Variants in LRRK1 observed in about 807,000 individuals in gnomAD.
LRRK1 encodes the protein leucine rich repeat kinase 1, also known as leucine-rich repeat serine/threonine-protein kinase 1.
LRRK1 carries 113 observed loss-of-function variants against 209.1 expected under a neutral mutation model. The ratio of observed to expected loss-of-function variants is 0.54; its 90% CI spans 0.46 to 0.63. The LOEUF (loss-of-function observed/expected upper bound fraction) is 0.63. Among genes scored for constraint, LRRK1 ranks in the 30% least tolerant of loss-of-function variants. LRRK1 has a pLI of 0.00. For synonymous variants in LRRK1, 1,144 were observed against 1,099.7 expected (o/e 1.04, Z -0.80); for missense variants, 2,284 against 2,632.2 (o/e 0.87, Z 2.89).
At chr15:100,951,020 G>C (rs941873818) in intron 2 of LRRK1, among the ~76,000 whole-genome samples, 4 of 152,168 alleles carry the variant, frequency 2.6e-5, no homozygotes, top group Non-Finnish European at 5.9e-5. Flanking sequence ...GGAGAATGGC[G>C]TGAACCCGGG....
chr15:100,947,246 C>T (rs1480112272), intron 2 of LRRK1, among the ~76,000 whole-genome samples: 2 of 152,172 alleles, frequency 1.3e-5, no homozygotes, highest in Non-Finnish European at 2.9e-5. Flanking sequence ...TGTGAGCCAC[C>T]ATGCCCAGGC....
At position 101,075,515 on chromosome 15, in the gene LRRK1, C is replaced by A. The variant is rs369325130; in HGVS notation, c.*6667C>A. The A allele has an allele frequency of 8.4e-6, 1 of 118,972 alleles. No homozygotes were observed. The highest frequency in any genetic ancestry group is 2.7e-4 in the South Asian group (1 of 3,708). 7.4% of individuals were successfully genotyped at this position (118,972 alleles called of 1,614,324 possible). ...CATCGAAACCTAATCACCCTTACCC[C>A]GCTCAACACCAATATCCCATCCCAC... is the stretch of plus-strand genomic sequence containing the variant. On this transcript the variant is annotated 3_prime_UTR_variant, in exon 34 of 34. Transcript: ENST00000388948.
At chr15:100,963,654 C>T (rs1319634628) in intron 2 of LRRK1, among the ~76,000 whole-genome samples, 5 of 152,216 alleles carry the variant, frequency 3.3e-5, no homozygotes, top group Admixed American at 3.3e-4. Flanking sequence ...TTTTAGTGTG[C>T]ACCGTGTCAT....
chr15:100,941,360 G>GTGCCTGTATC (rs1567190842), intron 2 of LRRK1, among the ~76,000 whole-genome samples: 5 of 139,234 alleles, frequency 3.6e-5, no homozygotes, highest in African/African-American at 1.2e-4. Flanking sequence ...GTGTGTGTGT[G>GTGCCTGTATC]TGTGTGCCTG....
At position 100,919,400 on chromosome 15, in the gene LRRK1, C is replaced by A; in HGVS notation, c.-174C>A. The A allele has an allele frequency of 6.7e-6, 1 of 150,356 alleles. No homozygotes were observed. Among genetic ancestry groups the A allele is most frequent in the South Asian group, 1.8e-4 (1 of 5,590 alleles). 9.3% of individuals were successfully genotyped at this position (150,356 alleles called of 1,614,324 possible). ...CAGGCCCCGGCCCCGCCAGTGTGTCCGCCCGGCCCCGCGTCCCGGAGCGCC... is the reference window on the plus strand; with the variant it reads ...CAGGCCCCGGCCCCGCCAGTGTGTCAGCCCGGCCCCGCGTCCCGGAGCGCC... On this transcript the variant is annotated 5_prime_UTR_variant, in exon 1 of 34. Transcript: ENST00000388948. The surrounding 1 kb of genome is among the most constrained non-coding windows in gnomAD (Gnocchi z 5.8).
intron 23 of LRRK1, among the ~76,000 whole-genome samples, chr15:101,051,406 T>A (rs2035425594): frequency 6.6e-6 from 1 of 152,096 alleles, no homozygotes; most frequent in Non-Finnish European, 1.5e-5. Flanking sequence ...TAGGGCCCAG[T>A]CATGCAGGAG....
chr15:101,064,141 C>T (rs1161886372), intron 31 of LRRK1, among the ~76,000 whole-genome samples: 1 of 152,266 alleles, frequency 6.6e-6, no homozygotes, highest in Non-Finnish European at 1.5e-5. Context: ...GGGCCTGAGC[C>T]AGGACTGCAG....
At chr15:101,043,303 G>A (rs568604961) in intron 20 of LRRK1, among the ~76,000 whole-genome samples, 1 of 152,298 alleles carries the variant, frequency 6.6e-6, no homozygotes, top group South Asian at 2.1e-4. Flanking sequence ...CTCCCACTAG[G>A]TATGGGAGGG....
chr15:100,953,126 C>T (rs2042688217), intron 2 of LRRK1, among the ~76,000 whole-genome samples: 1 of 151,930 alleles, frequency 6.6e-6, no homozygotes, highest in African/African-American at 2.4e-5. Flanking sequence ...CTTTGTGTGC[C>T]CGTGTGTATT....
intron 3 of LRRK1, 97 bp from the exon 4 acceptor site, chr15:100,983,431 A>G (rs2031707930): frequency 1.7e-6 from 2 of 1,181,354 alleles, no homozygotes; most frequent in South Asian, 3.4e-5. Flanking sequence ...ACACAACTCC[A>G]GTCCTGCTCC....
chr15:101,008,918 G>A lies in LRRK1; in HGVS notation c.844G>A (p.Glu282Lys), dbSNP rs2033107521. ...WLIDISCQIT[E>K]LDLSANCLAT... ...CATAGACATCTCCTGCCAGATCACG[G>A]AGCTCGACCTTTCTGCCAACTGCCT... The change falls in exon 7 of 34, where the codon GAG (glutamate) becomes AAG (lysine). Residue 282 changes from glutamate (E) to lysine (K), a missense_variant. Glu to Lys is a moderately conservative substitution (Grantham distance 56). Coordinates refer to ENST00000388948, the MANE Select transcript of LRRK1 (RefSeq NM_024652.6). 6.2e-7 allele frequency: 1 copy of A among 1,614,040 alleles called. No individual in the cohort carries two copies. The highest frequency in any genetic ancestry group is 1.3e-5 in the African/African-American group (1 of 74,916).
intron 6 of LRRK1, among the ~76,000 whole-genome samples, chr15:100,992,148 A>T (rs1287376141): frequency 6.6e-6 from 1 of 152,058 alleles, no homozygotes; most frequent in Admixed American, 6.5e-5. Context: ...TAATGTTTCT[A>T]TGTGGTTTTA....
chr15:100,949,975 C>T lies in LRRK1; in HGVS notation c.98-23829C>T, dbSNP rs147809789. On this transcript the variant is annotated intron_variant, in intron 2 of 33. Transcript: ENST00000388948. ...ATCAGGAACAAAACAAGGATGTCCA[C>T]TCTCACTACTTCTATTCAACATTAC... is the stretch of plus-strand genomic sequence containing the variant. Among the ~76,000 whole-genome samples, 50 of 152,234 alleles carry T rather than the reference C, an allele frequency of 3.3e-4. 3 individuals are homozygous for T. In the East Asian group the frequency reaches 9.6e-3, roughly 29 times the overall value.
At chr15:100,941,458 A>ATGTCTGTGTGTGTGTG (rs2042430721) in intron 2 of LRRK1, among the ~76,000 whole-genome samples, 1 of 45,818 alleles carries the variant, frequency 2.2e-5, no homozygotes, top group African/African-American at 8.5e-5. Context: ...GTGTGTGTCT[A>ATGTCTGTGTGTGTGTG]TGTCTCTGTG....
intron 12 of LRRK1, among the ~76,000 whole-genome samples, chr15:101,017,456 A>G (rs1211790350): frequency 6.6e-6 from 1 of 152,212 alleles, no homozygotes; most frequent in Non-Finnish European, 1.5e-5. Context: ...AGCGCCCCCC[A>G]GGAAGCGAAC....
intron 20 of LRRK1, among the ~76,000 whole-genome samples, chr15:101,033,205 G>C (rs1052061919): frequency 1.5e-4 from 23 of 152,104 alleles, no homozygotes; most frequent in African/African-American, 5.3e-4. Context: ...TACATGTGTA[G>C]AATGTGGAAT....
rs531102093 is a variant in LRRK1 at position 100,983,971 on chromosome 15, T to A, written c.433+272T>A. ...AAAAATAATTAATAGACCTTGGTCTTTTTAGAGAAGTTTTAGATTTATGGA... is the reference window on the plus strand; with the variant it reads ...AAAAATAATTAATAGACCTTGGTCTATTTAGAGAAGTTTTAGATTTATGGA... On this transcript the variant is annotated intron_variant, in intron 4 of 33. Coordinates refer to ENST00000388948, the MANE Select transcript of LRRK1 (RefSeq NM_024652.6). 3.2e-3 allele frequency: 1,541 copies of A among 478,702 alleles called. 20 individuals carry two copies. Among genetic ancestry groups the A allele is most frequent in the African/African-American group, 0.028 (1,414 of 51,044 alleles). 29.7% of individuals were successfully genotyped at this position (478,702 alleles called of 1,614,324 possible).
In LRRK1 at chr15:100,963,703, A is replaced by G. The variant is rs188933610; in HGVS notation, c.98-10101A>G. ...TGCCTAGAAGAGAAAACCGTGGGAGAACAGGCCGACTTCCCGCTTTTGTTA... is the reference window on the plus strand; with the variant it reads ...TGCCTAGAAGAGAAAACCGTGGGAGGACAGGCCGACTTCCCGCTTTTGTTA... On this transcript the variant is annotated intron_variant, in intron 2 of 33. Transcript: ENST00000388948. Among the ~76,000 whole-genome samples the G allele has an allele frequency of 8.0e-4, 122 of 152,338 alleles. 1 individual carries two copies. The highest frequency in any genetic ancestry group is 1.4e-3 in the Admixed American group (22 of 15,300).
chr15:101,034,979 T>C (rs891345056), intron 20 of LRRK1, among the ~76,000 whole-genome samples: 1 of 152,024 alleles, frequency 6.6e-6, no homozygotes, highest in Non-Finnish European at 1.5e-5. Flanking sequence ...TTTGGGTCTT[T>C]TCTCTTCTTG....
Sources: allele counts gnomAD v4.1 joint callset (sites outside exome capture counted in the v4.1 genomes callset), GRCh38; gene constraint gnomAD v4.1.1; non-coding constraint Gnocchi (gnomAD v3.1); transcripts MANE v1.5; gene names NCBI Gene and HGNC (gene_info 2026-07-23, HGNC 2026-07-21).